CNTN6: variants seen among roughly 807,000 people sequenced by gnomAD.
CNTN6 encodes contactin 6, also known as contactin-6.
In CNTN6, 137 loss-of-function variants were observed where a neutral mutation model predicts 122.8. The observed-to-expected ratio is 1.12, with a 90% confidence interval of 0.97 to 1.29. CNTN6 has a LOEUF of 1.29. Ranked by LOEUF, CNTN6 falls within the 50% of genes most tolerant of loss-of-function variation. The pLI, the probability that CNTN6 is intolerant of heterozygous loss-of-function variation, is 0.00. For missense variants in CNTN6, 1,634 were observed against 1,223.4 expected, an observed-to-expected ratio of 1.34 and a Z score of -5.01; for synonymous variants, 570 against 426.0, an observed-to-expected ratio of 1.34 and a Z score of -4.16.
chr3:1,249,766 C>G (rs2094634396), intron 4 of CNTN6, among the ~76,000 whole-genome samples: 1 of 152,156 alleles, frequency 6.6e-6, no homozygotes. Flanking sequence ...AAACAAGCTA[C>G]TAGAGTTCTT....
chr3:1,390,245 G>C (rs943049264), intron 20 of CNTN6, among the ~76,000 whole-genome samples: 2 of 152,050 alleles, frequency 1.3e-5, no homozygotes, highest in African/African-American at 4.8e-5. Flanking sequence ...TAGAACTCAA[G>C]ATTAAGAATC....
At chr3:1,114,734 A>C (rs1373532787) in intron 1 of CNTN6, among the ~76,000 whole-genome samples, 1 of 152,030 alleles carries the variant, frequency 6.6e-6, no homozygotes, top group Non-Finnish European at 1.5e-5. Flanking sequence ...GAGCAAAGAC[A>C]TTTTTTTTGC....
intron 7 of CNTN6, among the ~76,000 whole-genome samples, chr3:1,307,275 G>GGA (rs1294075484): frequency 6.6e-6 from 1 of 152,114 alleles, no homozygotes; most frequent in African/African-American, 2.4e-5. Flanking sequence ...AATAGAGACT[G>GGA]GAGAGGGTCA....
chr3:1,358,663 G>A (rs1029430573), intron 12 of CNTN6, among the ~76,000 whole-genome samples: 5 of 151,754 alleles, frequency 3.3e-5, no homozygotes, highest in African/African-American at 4.8e-5. Flanking sequence ...CTCTTTTTTT[G>A]GGTTTTATTT....
In CNTN6 at chr3:1,327,345, A is replaced by T. The variant is rs1016981536; in HGVS notation, c.1084-112A>T. On this transcript the variant is annotated intron_variant, in intron 9 of 22. Transcript: ENST00000446702. The stretch of plus-strand genomic sequence containing the variant: ...TCAGAATCTAGTAGTGTATTAATAC[A>T]CCAAATTATCAGATCTCATAGATAT... The T allele has an allele frequency of 5.0e-6, 6 of 1,202,084 alleles. 1 individual carries two copies. Among genetic ancestry groups the T allele is most frequent in the South Asian group, 1.4e-5 (1 of 71,128 alleles). The allele number at this position is 1,202,084 out of a possible 1,614,324, so 74.5% of individuals were successfully genotyped here. A position where few individuals can be genotyped will look rare whatever the true frequency, so the allele number is the denominator to read the frequency against.
chr3:1,355,293 T>C (rs1706371189), intron 12 of CNTN6, among the ~76,000 whole-genome samples: 1 of 151,616 alleles, frequency 6.6e-6, no homozygotes, highest in Non-Finnish European at 1.5e-5. Flanking sequence ...AAAACAGCCT[T>C]AGAAAGTTGC....
chr3:1,385,797 C>G lies in CNTN6; in HGVS notation c.2704C>G (p.Pro902Ala), dbSNP rs140337334. 25 of 1,607,536 alleles carry G rather than the reference C, an allele frequency of 1.6e-5. No homozygotes were observed. The highest frequency in any genetic ancestry group is 3.4e-5 in the Admixed American group (2 of 58,762). The change falls in exon 20 of 23, where the codon CCT becomes GCT. Residue 902 changes from proline (P) to alanine (A), a missense_variant and splice_region_variant. Transcript: ENST00000446702. ...AGTCAATGTTACCACCAAAAAGTCT[C>G]GTAAGTATGCATACACTCCAGGAAA... ...PPVNVTTKKS[P>A]PSQPPANIAW...
At chr3:1,350,372 A>C (rs1186773219) in intron 11 of CNTN6, among the ~76,000 whole-genome samples, 4 of 151,898 alleles carry the variant, frequency 2.6e-5, no homozygotes, top group Non-Finnish European at 5.9e-5. Flanking sequence ...ATGGTTCTGG[A>C]AAAAGCCTGA....
Position 1,301,024 on chromosome 3 carries a change from C to CTTTTTT in CNTN6, c.761+3058_761+3063dup, listed in dbSNP as rs562912841. Among the ~76,000 whole-genome samples the CTTTTTT allele has an allele frequency of 2.5e-3, 230 of 93,266 alleles. 12 individuals carry two copies. Among genetic ancestry groups the CTTTTTT allele is most frequent in the South Asian group, 4.9e-3 (12 of 2,464 alleles). The allele number at this position is 93,266 out of a possible 152,430, so 61.2% of individuals were successfully genotyped here. On this transcript the variant is annotated intron_variant, in intron 7 of 22. Coordinates refer to ENST00000446702, the MANE Select transcript of CNTN6 (RefSeq NM_001289080.2). ...AATTTATAATACAGGAGTCCCTAAA[C>CTTTTTT]TTTTTTTTTTTTTTTTTTTTTTTTT...
intron 12 of CNTN6, among the ~76,000 whole-genome samples, chr3:1,360,943 C>T (rs1707372487): frequency 6.6e-6 from 1 of 151,840 alleles, no homozygotes; most frequent in Admixed American, 6.6e-5. Flanking sequence ...TCATTTAAAC[C>T]CCATATTCAA....
At chr3:1,321,486 C>T (rs1390301147) in intron 7 of CNTN6, among the ~76,000 whole-genome samples, 164 bp from the exon 8 acceptor site, 4 of 151,674 alleles carry the variant, frequency 2.6e-5, no homozygotes, top group Non-Finnish European at 5.9e-5. Context: ...AAATAAATGA[C>T]TGATTGAGTG....
In CNTN6 at chr3:1,327,490, A is replaced by T; in HGVS notation, c.1117A>T (p.Ile373Leu). The T allele has an allele frequency of 6.2e-7, 1 of 1,610,914 alleles. No individual in the cohort carries two copies. The highest frequency in any genetic ancestry group is 8.5e-7 in the Non-Finnish European group (1 of 1,178,040). ...TCAAATAGAAAATGGGACACTCATC[A>T]TAACGATGCTGAATGTGTCAGATTC... ...RIQIENGTLI[I>L]TMLNVSDSGV... Residue 373 changes from isoleucine to leucine, a missense_variant, in exon 10 of 23, where the codon ATA (isoleucine) becomes TTA (leucine). Transcript: ENST00000446702.
At chr3:1,244,391 CCCAGGAAAGCGGGA>C (rs1227345947) in intron 4 of CNTN6, among the ~76,000 whole-genome samples, 1 of 147,294 alleles carries the variant, frequency 6.8e-6, no homozygotes, top group Non-Finnish European at 1.5e-5. Context: ...TTGGCCCTGC[CCCAGGAAAGCGGGA>C]CTTGCCGCTG....
At chr3:1,335,398 C>CTCAGA (rs1702907315) in intron 11 of CNTN6, among the ~76,000 whole-genome samples, 1 of 152,158 alleles carries the variant, frequency 6.6e-6, no homozygotes, top group Admixed American at 6.5e-5. Context: ...TCTCAGGCAA[C>CTCAGA]TGAGGGAATC....
At chr3:1,320,633 A>G (rs967144530) in intron 7 of CNTN6, among the ~76,000 whole-genome samples, 1 of 151,774 alleles carries the variant, frequency 6.6e-6, no homozygotes, top group Non-Finnish European at 1.5e-5. Flanking sequence ...CAAATCATCT[A>G]AAAATCTATA....
chr3:1,237,897 G>C (rs745816822), intron 4 of CNTN6, among the ~76,000 whole-genome samples: 12 of 151,908 alleles, frequency 7.9e-5, no homozygotes, highest in Non-Finnish European at 1.5e-5. Context: ...GCTAAAAAGA[G>C]CTCTAAATCT....
intron 1 of CNTN6, among the ~76,000 whole-genome samples, chr3:1,125,203 C>G (rs1259854464): frequency 6.6e-6 from 1 of 151,914 alleles, no homozygotes; most frequent in Non-Finnish European, 1.5e-5. Context: ...CTTTACTTAT[C>G]TGTCTTGGCC....
At chr3:1,112,716 A>C (rs993179183) in intron 1 of CNTN6, among the ~76,000 whole-genome samples, 2 of 152,134 alleles carry the variant, frequency 1.3e-5, no homozygotes, top group Non-Finnish European at 2.9e-5. Flanking sequence ...CTAGTTCCCT[A>C]GGTATTATTT....
intron 1 of CNTN6, among the ~76,000 whole-genome samples, chr3:1,125,825 G>A (rs749598337): frequency 6.6e-6 from 1 of 151,914 alleles, no homozygotes; most frequent in Non-Finnish European, 1.5e-5. Context: ...CAGACATATT[G>A]AGATAGTATC....
Sources: allele counts gnomAD v4.1 joint callset (sites outside exome capture counted in the v4.1 genomes callset), GRCh38; gene constraint gnomAD v4.1.1; transcripts MANE v1.5; gene names NCBI Gene and HGNC (gene_info 2026-07-23, HGNC 2026-07-21).